Variants in RSL24D1 observed in about 807,000 individuals in gnomAD.
The protein encoded by RSL24D1 is probable ribosome biogenesis protein RLP24.
Under a neutral mutation model 26.2 loss-of-function variants are expected in RSL24D1, and 6 were observed. The ratio of observed to expected loss-of-function variants is 0.23; its 90% confidence interval spans 0.13 to 0.45. The LOEUF (loss-of-function observed/expected upper bound fraction) is 0.45. Ranked by LOEUF, RSL24D1 falls within the 20% of genes least tolerant of loss-of-function variation. The pLI is 0.99. For missense variants in RSL24D1, 176 were observed against 202.6 expected, an observed-to-expected ratio of 0.87 and a Z score of 0.80; for synonymous variants, 61 against 59.1, an observed-to-expected ratio of 1.03 and a Z score of -0.15.
intron 3 of RSL24D1, among the ~76,000 whole-genome samples, chr15:55,187,887 TATTAAG>T (rs1894240501): frequency 6.6e-6 from 1 of 151,882 alleles, no homozygotes; most frequent in South Asian, 2.1e-4. Context: ...CCCCAAAAGC[TATTAAG>T]ATTAAAAAAA....
chr15:55,182,675 T>C (rs1894181400), intron 5 of RSL24D1, among the ~76,000 whole-genome samples: 1 of 152,164 alleles, frequency 6.6e-6, no homozygotes, highest in Non-Finnish European at 1.5e-5. Flanking sequence ...CATGTATATG[T>C]GAAACAAATG....
intron 1 of RSL24D1, chr15:55,196,282 C>T: frequency 2.2e-6 from 1 of 452,764 alleles, no homozygotes; most frequent in South Asian, 1.6e-5. Context: ...CTTTCTTCCG[C>T]AAAATTCAGG....
At chr15:55,183,256 G>A in intron 5 of RSL24D1, 59 bp downstream of exon 5, 2 of 1,224,964 alleles carry the variant, frequency 1.6e-6, no homozygotes, top group East Asian at 2.4e-5. Context: ...AATACCCAAA[G>A]TTAGTTGGTA....
intron 4 of RSL24D1, among the ~76,000 whole-genome samples, chr15:55,184,825 T>C (rs951396689): frequency 6.6e-6 from 1 of 152,134 alleles, no homozygotes; most frequent in African/African-American, 2.4e-5. Context: ...CAAAGGTGCC[T>C]AGCCAAAATC....
In RSL24D1 at chr15:55,185,397, G is replaced by A; in HGVS notation, c.297C>T (p.Ile99=). The change falls in exon 4 of 6, where the codon ATC becomes ATT. Residue 99 remains isoleucine (I), a synonymous_variant. Coordinates refer to ENST00000260443, the MANE Select transcript of RSL24D1 (RefSeq NM_016304.3). ...TIDAMKRVEE[I]KQKRQAKFIM... ...TAAATTTAGCTTGGCGCTTCTGTTTGATTTCTTCAACTCTCTTCATCGCAT... is the reference window on the plus strand; with the variant it reads ...TAAATTTAGCTTGGCGCTTCTGTTTAATTTCTTCAACTCTCTTCATCGCAT... 6.2e-7 allele frequency: 1 copy of A among 1,608,608 alleles called. No individual in the cohort carries two copies. The highest frequency in any genetic ancestry group is 1.1e-5 in the South Asian group (1 of 89,906).
chr15:55,195,977 A>T (rs1459039687), intron 1 of RSL24D1, among the ~76,000 whole-genome samples: 1 of 152,224 alleles, frequency 6.6e-6, no homozygotes, highest in Admixed American at 6.5e-5. Context: ...ACGCCCAGTA[A>T]TTCAGAAGCA....
chr15:55,196,737 C>T, intron 1 of RSL24D1, 73 bp downstream of exon 1: 2 of 1,458,522 alleles, frequency 1.4e-6, no homozygotes, highest in South Asian at 2.3e-5. Flanking sequence ...CGCAGAAGCA[C>T]CCAGCACCGA....
At chr15:55,183,832 T>C (rs895153695) in intron 4 of RSL24D1, among the ~76,000 whole-genome samples, 8 of 152,208 alleles carry the variant, frequency 5.3e-5, no homozygotes, top group African/African-American at 1.9e-4. Flanking sequence ...ATTCATTCAT[T>C]CTTTGTACCT....
At chr15:55,184,723 GATCAAAGTTAAC>G (rs1894205454) in intron 4 of RSL24D1, among the ~76,000 whole-genome samples, 1 of 152,128 alleles carries the variant, frequency 6.6e-6, no homozygotes, top group Admixed American at 6.5e-5. Context: ...TTAATCAAGT[GATCAAAGTTAAC>G]ATCACCAGCA....
At chr15:55,191,425 CAA>C (rs1378195033) in intron 2 of RSL24D1, among the ~76,000 whole-genome samples, 1 of 147,766 alleles carries the variant, frequency 6.8e-6, no homozygotes, top group Non-Finnish European at 1.5e-5. Flanking sequence ...TTTTACAGAT[CAA>C]AAAAAGTCAA....
intron 3 of RSL24D1, among the ~76,000 whole-genome samples, chr15:55,185,958 T>C (rs1323116468): frequency 6.6e-6 from 1 of 152,190 alleles, no homozygotes; most frequent in Non-Finnish European, 1.5e-5. Context: ...CCAACTATGC[T>C]CTAAAATTTC....
Position 55,192,755 on chromosome 15 carries a change from C to T in RSL24D1, c.160G>A (p.Ala54Thr), listed in dbSNP as rs1421858666. 1.2e-6 allele frequency: 2 copies of T among 1,613,846 alleles called. No homozygotes were observed. Among genetic ancestry groups the T allele is most frequent in the African/African-American group, 1.3e-5 (1 of 75,030 alleles). ...TCTTTACCAGCTGCTTTCCGGAATGCTTTGGTCCACCTAACTTTGCGAGGA... is the reference window on the plus strand; with the variant it reads ...TCTTTACCAGCTGCTTTCCGGAATGTTTTGGTCCACCTAACTTTGCGAGGA... Reference protein sequence around the residue: ...RNPRKVRWTKAFRKAAGKELT... With the variant: ...RNPRKVRWTKTFRKAAGKELT... Residue 54 changes from alanine (A) to threonine (T), a missense_variant, in exon 2 of 6, where the codon GCA (alanine) becomes ACA (threonine). Ala to Thr is a moderately conservative substitution (Grantham distance 58). Transcript: ENST00000260443.
Position 55,181,526 on chromosome 15 carries a change from G to C in RSL24D1, c.*626C>G, listed in dbSNP as rs968042951. On this transcript the variant is annotated 3_prime_UTR_variant, in exon 6 of 6. Transcript: ENST00000260443. ...AAGTTGGAACTGAGTATTCTCCAAA[G>C]TGGAAATTCTAGAGTGTAGTGTCAC... 1 of 152,552 alleles carries C rather than the reference G, an allele frequency of 6.6e-6. No homozygotes were observed. Among genetic ancestry groups the C allele is most frequent in the African/African-American group, 2.4e-5 (1 of 41,442 alleles). 9.4% of individuals were successfully genotyped at this position (152,552 alleles called of 1,614,324 possible).
chr15:55,186,900 G>A (rs886761144), intron 3 of RSL24D1, among the ~76,000 whole-genome samples: 1 of 152,064 alleles, frequency 6.6e-6, no homozygotes, highest in African/African-American at 2.4e-5. Flanking sequence ...AGGGAGAAAG[G>A]GAGAAAGAAG....
rs1894213560 is a variant in RSL24D1, at chr15:55,185,370, T to C, written c.324A>G (p.Ile108Met). ...CATACAAATATTCATACCTGTTCAT[T>C]ATAAATTTAGCTTGGCGCTTCTGTT... ...EIKQKRQAKF[I>M]MNRLKKNKEL... is the part of the protein sequence containing the mutation. Residue 108 changes from isoleucine (I) to methionine (M), a missense_variant, in exon 4 of 6, where the codon ATA becomes ATG. Physicochemically the swap from Ile to Met is conservative, Grantham distance 10. Around this residue, in one of 3 missense-constraint regions of RSL24D1, gnomAD observed 89 missense variants for 135.1 expected, o/e 0.66. Transcript: ENST00000260443. 1 of 1,607,754 alleles carries C rather than the reference T, an allele frequency of 6.2e-7. No homozygotes were observed. The highest frequency in any genetic ancestry group is 1.1e-5 in the South Asian group (1 of 89,716).
intron 1 of RSL24D1, 148 bp downstream of exon 1, chr15:55,196,662 C>T (rs1173113111): frequency 2.2e-5 from 15 of 687,464 alleles, no homozygotes; most frequent in East Asian, 1.9e-4. Flanking sequence ...ACGTTGAGAA[C>T]GGAGGCCCAG....
chr15:55,187,268 A>G (rs184431070), intron 3 of RSL24D1, among the ~76,000 whole-genome samples: 1 of 152,362 alleles, frequency 6.6e-6, no homozygotes, highest in Admixed American at 6.5e-5. Context: ...TGCTGGATAT[A>G]TAACTTTTTT....
Position 55,189,168 on chromosome 15 carries a change from G to A in RSL24D1, c.268+1807C>T, listed in dbSNP as rs182684050. On this transcript the variant is annotated intron_variant, in intron 3 of 5. Transcript: ENST00000260443. The stretch of plus-strand genomic sequence containing the variant: ...AGATCCCACCACTACACTCCAGCCC[G>A]GGTGACAGAGCAAGACTCCCATCTC... 6.7e-5 allele frequency among the ~76,000 whole-genome samples: 10 copies of A among 149,586 alleles called. No individual in the cohort carries two copies. The South Asian group carries it at 1.5e-3, about 22-fold the overall frequency.
At chr15:55,182,514 C>T (rs1894179731) in intron 5 of RSL24D1, among the ~76,000 whole-genome samples, 1 of 152,116 alleles carries the variant, frequency 6.6e-6, no homozygotes, top group Non-Finnish European at 1.5e-5. Context: ...ACTAGAAAGC[C>T]ATTTAAGTCA....
Sources: allele counts gnomAD v4.1 joint callset (sites outside exome capture counted in the v4.1 genomes callset), GRCh38; gene constraint gnomAD v4.1.1; regional missense constraint gnomAD v4.1.1; transcripts MANE v1.5; gene names NCBI Gene and HGNC (gene_info 2026-07-23, HGNC 2026-07-21).